RBFOX1: variants seen among roughly 807,000 people sequenced by gnomAD.
RBFOX1 encodes the protein RNA binding protein fox-1 homolog 1.
A neutral mutation model predicts 57.7 loss-of-function variants in RBFOX1; 8 were observed. The observed-to-expected ratio is 0.14, with a 90% CI of 0.08 to 0.25. RBFOX1 has a LOEUF of 0.25. Among genes scored for constraint, RBFOX1 ranks in the 10% least tolerant of loss-of-function variants. The pLI is 1.00. For synonymous variants in RBFOX1, 326 were observed against 222.4 expected (o/e 1.47, Z -4.15); for missense variants, 611 against 548.5 (o/e 1.11, Z -1.14).
At position 6,401,707 on chromosome 16, in the gene RBFOX1, C is replaced by T. The variant is rs192772205; in HGVS notation, c.-64+84650C>T. ...CCAGAGTGACTCCATTGTTCTTAGA[C>T]GCAGAGAACGAAGGAAGAAATCAAA... On this transcript the variant is annotated intron_variant, in intron 2 of 15. Coordinates refer to ENST00000550418, the MANE Select transcript of RBFOX1 (RefSeq NM_018723.4). Among the ~76,000 whole-genome samples the T allele has an allele frequency of 6.6e-4, 101 of 152,030 alleles. No individual in the cohort carries two copies. The Middle Eastern group carries it at 0.014, about 20-fold the overall frequency.
intron 3 of RBFOX1, among the ~76,000 whole-genome samples, chr16:6,781,574 G>C (rs530639150): frequency 6.6e-6 from 1 of 152,042 alleles, no homozygotes; most frequent in South Asian, 2.1e-4. Flanking sequence ...TCTCTGGTGA[G>C]AATCTTTTTA....
intron 3 of RBFOX1, among the ~76,000 whole-genome samples, chr16:6,824,194 C>T (rs1019923707): frequency 6.6e-6 from 1 of 152,214 alleles, no homozygotes; most frequent in African/African-American, 2.4e-5. Context: ...CACCTGAGGT[C>T]AGGAGTTCGA....
At chr16:5,720,971 CA>C (rs1344143865) in intron 3 of RBFOX1, among the ~76,000 whole-genome samples, 11 of 152,102 alleles carry the variant, frequency 7.2e-5, no homozygotes. Flanking sequence ...GCCGAAATGG[CA>C]AGTGAAAATT....
rs189365204 is a variant in RBFOX1 at position 6,519,922 on chromosome 16, A to C, written c.-63-134681A>C. ...ACTGTGGGTTTGGCCCCATGCTCTTAACCACCCTTCTGCAATGACTGAGCA... is the reference window on the plus strand; with the variant it reads ...ACTGTGGGTTTGGCCCCATGCTCTTCACCACCCTTCTGCAATGACTGAGCA... On this transcript the variant is annotated intron_variant, in intron 2 of 15. Transcript: ENST00000550418. Among the ~76,000 whole-genome samples, 147 of 152,284 alleles carry C rather than the reference A, an allele frequency of 9.7e-4. 1 individual carries two copies. Among genetic ancestry groups the C allele is most frequent in the Admixed American group, 2.4e-3 (37 of 15,290 alleles).
chr16:6,577,834 A>G (rs2097464174), intron 2 of RBFOX1, among the ~76,000 whole-genome samples: 1 of 152,218 alleles, frequency 6.6e-6, no homozygotes, highest in Non-Finnish European at 1.5e-5. Flanking sequence ...AAAATAAACC[A>G]GATAGTGAAG....
At chr16:6,956,316 T>A (rs62019561) in intron 3 of RBFOX1, among the ~76,000 whole-genome samples, 24,487 of 152,142 alleles carry the variant, frequency 0.16, 2,169 homozygotes, top group Non-Finnish European at 0.19. Context: ...TCCCCATTCG[T>A]CATCTCCCAC....
intron 14 of RBFOX1, among the ~76,000 whole-genome samples, chr16:7,693,547 C>T (rs902225943): frequency 4.1e-4 from 62 of 150,496 alleles, no homozygotes; most frequent in African/African-American, 1.4e-3. Context: ...TATAAGACGA[C>T]ATTAGGCATT....
chr16:6,442,154 G>A (rs761367140), intron 2 of RBFOX1, among the ~76,000 whole-genome samples: 5 of 152,190 alleles, frequency 3.3e-5, no homozygotes, highest in South Asian at 4.1e-4. Context: ...AGTGAGAATA[G>A]CAGGGGACAG....
chr16:7,114,943 G>C lies in RBFOX1; in HGVS notation c.27+62845G>C, dbSNP rs1280056318. Reference sequence around the variant, plus strand: ...GGGAAGGGTAAGATCACTTAGCTGTGAAGCCTCTGCTTTTAGGAACTGGAG... The same window carrying C: ...GGGAAGGGTAAGATCACTTAGCTGTCAAGCCTCTGCTTTTAGGAACTGGAG... On this transcript the variant is annotated intron_variant, in intron 4 of 15. Transcript: ENST00000550418. 2.6e-5 allele frequency among the ~76,000 whole-genome samples: 4 copies of C among 152,154 alleles called. No individual in the cohort carries two copies. The East Asian group carries it at 7.7e-4, about 29-fold the overall frequency.
intron 4 of RBFOX1, among the ~76,000 whole-genome samples, chr16:7,298,760 G>C (rs559294302): frequency 1.3e-5 from 2 of 152,272 alleles, no homozygotes; most frequent in South Asian, 4.1e-4. Flanking sequence ...ATAACGAAGA[G>C]AAAACATATT....
chr16:6,062,963 C>A (rs1313354176), intron 1 of RBFOX1, among the ~76,000 whole-genome samples: 1 of 152,148 alleles, frequency 6.6e-6, no homozygotes, highest in Non-Finnish European at 1.5e-5. Flanking sequence ...CTCCAGAAAA[C>A]CCATCTTTGC....
rs78357728 is a variant in RBFOX1, at chr16:6,604,707, C to T, written c.-63-49896C>T. ...TATTAAGCATATACACATGCACACA[C>T]ACGTATAATTGTCAGCCCTATAACA... On this transcript the variant is annotated intron_variant, in intron 2 of 15. Coordinates refer to ENST00000550418, the MANE Select transcript of RBFOX1 (RefSeq NM_018723.4). Among the ~76,000 whole-genome samples the T allele has an allele frequency of 3.2e-3, 481 of 152,288 alleles. 6 individuals carry two copies. The highest frequency in any genetic ancestry group is 0.011 in the African/African-American group (455 of 41,548).
intron 3 of RBFOX1, among the ~76,000 whole-genome samples, chr16:6,777,348 T>G (rs939472689): frequency 2.0e-5 from 3 of 152,206 alleles, no homozygotes; most frequent in African/African-American, 7.2e-5. Context: ...GGATGATGTT[T>G]AAGTTAACTC....
At chr16:7,506,301 T>C (rs1212762849) in intron 4 of RBFOX1, among the ~76,000 whole-genome samples, 1 of 151,928 alleles carries the variant, frequency 6.6e-6, no homozygotes, top group Non-Finnish European at 1.5e-5. Flanking sequence ...CTCCAAGTAT[T>C]TAAGAATATA....
intron 1 of RBFOX1, among the ~76,000 whole-genome samples, chr16:5,255,376 CCATCCAGA>C (rs1567240655): frequency 4.6e-5 from 7 of 151,946 alleles, no homozygotes; most frequent in African/African-American, 1.7e-4. Context: ...ATCCATCCAT[CCATCCAGA>C]CATGCATACA....
chr16:6,524,862 C>T (rs192632848), intron 2 of RBFOX1, among the ~76,000 whole-genome samples: 1 of 152,290 alleles, frequency 6.6e-6, no homozygotes, highest in East Asian at 1.9e-4. Flanking sequence ...GTCTCCAAAT[C>T]TCCCTCTCTT....
At chr16:6,459,452 T>C (rs2094856482) in intron 2 of RBFOX1, among the ~76,000 whole-genome samples, 1 of 152,200 alleles carries the variant, frequency 6.6e-6, no homozygotes, top group Non-Finnish European at 1.5e-5. Context: ...CAAGAATTTA[T>C]CAAGCTTCAA....
intron 4 of RBFOX1, among the ~76,000 whole-genome samples, chr16:7,311,762 A>G (rs1421255355): frequency 6.6e-6 from 1 of 152,156 alleles, no homozygotes; most frequent in Non-Finnish European, 1.5e-5. Context: ...ACCCAGATCT[A>G]TTTAGAGCCA....
intron 1 of RBFOX1, among the ~76,000 whole-genome samples, chr16:5,446,901 T>G (rs930484035): frequency 2.6e-5 from 4 of 152,110 alleles, no homozygotes; most frequent in African/African-American, 9.7e-5. Context: ...GAAGTGGTCT[T>G]TTCTCCCTGA....
Sources: gnomAD v4.1 joint callset for allele counts (sites outside exome capture counted in the v4.1 genomes callset) on GRCh38, gnomAD v4.1.1 for gene constraint, MANE v1.5 for transcripts, NCBI Gene and HGNC (gene_info 2026-07-23, HGNC 2026-07-21) for gene names.